The following ADAM22 variants were observed in gnomAD, a reference collection of about 807,000 sequenced individuals.
ADAM22 encodes the protein ADAM metallopeptidase domain 22.
Under a neutral mutation model 144.6 loss-of-function variants are expected in ADAM22, and 65 were observed. The observed-to-expected ratio is 0.45, with a 90% CI of 0.37 to 0.55. ADAM22 has a LOEUF of 0.55. ADAM22 is among the 20% of genes least tolerant of loss of function. The pLI, the probability that ADAM22 is intolerant of heterozygous loss-of-function variation, is 0.00. For missense variants in ADAM22, 974 were observed against 1,184.9 expected (o/e 0.82, Z 2.61); for synonymous variants, 391 against 412.6 (o/e 0.95, Z 0.63).
chr7:88,020,388 G>A (rs1259096601), intron 3 of ADAM22, among the ~76,000 whole-genome samples: 1 of 152,180 alleles, frequency 6.6e-6, no homozygotes, highest in African/African-American at 2.4e-5. Flanking sequence ...TGAGAAGGGA[G>A]GGCTGGTGCC....
intron 5 of ADAM22, among the ~76,000 whole-genome samples, chr7:88,109,340 C>T (rs908892578): frequency 3.3e-5 from 5 of 152,120 alleles, no homozygotes; most frequent in East Asian, 1.9e-4. Context: ...TCCATCCTGT[C>T]GATAATGATA....
At chr7:88,018,031 G>A (rs1026669116) in intron 3 of ADAM22, among the ~76,000 whole-genome samples, 1 of 151,994 alleles carries the variant, frequency 6.6e-6, no homozygotes, top group Non-Finnish European at 1.5e-5. Context: ...TTGTTCTTAG[G>A]TCCTCTCTTG....
chr7:87,979,127 C>A (rs1317875904), intron 3 of ADAM22, among the ~76,000 whole-genome samples: 2 of 152,070 alleles, frequency 1.3e-5, no homozygotes, highest in Non-Finnish European at 2.9e-5. Flanking sequence ...CTGAGCTGGG[C>A]AGAATTGGGC....
At chr7:87,956,936 A>C (rs889020424) in intron 2 of ADAM22, among the ~76,000 whole-genome samples, 3 of 152,148 alleles carry the variant, frequency 2.0e-5, no homozygotes, top group East Asian at 1.9e-4. Flanking sequence ...GTATCGTAAA[A>C]ATTACTTATT....
intron 5 of ADAM22, among the ~76,000 whole-genome samples, chr7:88,110,713 G>A (rs115220257): frequency 9.0e-4 from 123 of 136,502 alleles, no homozygotes; most frequent in Middle Eastern, 3.7e-3. Context: ...TCATTCATTC[G>A]TTCATTTGTT....
chr7:88,074,684 T>C (rs1329218608), intron 3 of ADAM22, among the ~76,000 whole-genome samples: 1 of 152,218 alleles, frequency 6.6e-6, no homozygotes, highest in Non-Finnish European at 1.5e-5. Flanking sequence ...GTTTTCTAAA[T>C]AGTAATATAA....
chr7:88,151,519 G>A (rs146661454), intron 20 of ADAM22, among the ~76,000 whole-genome samples, 199 bp downstream of exon 20: 14 of 152,316 alleles, frequency 9.2e-5, no homozygotes, highest in African/African-American at 3.4e-4. Flanking sequence ...ATCTTGGCTA[G>A]TTGGCAGTGC....
At chr7:88,116,700 A>C in intron 6 of ADAM22, 45 bp from the exon 7 acceptor site, 1 of 1,501,190 alleles carries the variant, frequency 6.7e-7, no homozygotes, top group South Asian at 1.1e-5. Flanking sequence ...GGCTGGAGAT[A>C]ATCCTGTTGT....
At chr7:87,968,209 TAAG>T (rs1247528693) in intron 2 of ADAM22, among the ~76,000 whole-genome samples, 1 of 152,196 alleles carries the variant, frequency 6.6e-6, no homozygotes, top group African/African-American at 2.4e-5. Context: ...GCTTTCAAGA[TAAG>T]GAGGGCATTT....
chr7:88,101,646 T>G (rs1822964359), intron 4 of ADAM22, among the ~76,000 whole-genome samples: 1 of 152,154 alleles, frequency 6.6e-6, no homozygotes, highest in South Asian at 2.1e-4. Flanking sequence ...TATCTCACCT[T>G]TTACCTTCCA....
intron 3 of ADAM22, among the ~76,000 whole-genome samples, chr7:88,060,781 A>AC (rs1438722171): frequency 3.1e-4 from 46 of 149,558 alleles, no homozygotes; most frequent in African/African-American, 1.1e-3. Flanking sequence ...AAAAAAAAAA[A>AC]CAAAAAACAC....
chr7:88,142,611 G>T (rs1304785085), intron 14 of ADAM22, among the ~76,000 whole-genome samples: 1 of 152,098 alleles, frequency 6.6e-6, no homozygotes, highest in Admixed American at 6.5e-5. Context: ...GGCCGAGGCG[G>T]GCGGATCACA....
chr7:87,949,064 T>C (rs1281361230), intron 2 of ADAM22, among the ~76,000 whole-genome samples: 1 of 152,230 alleles, frequency 6.6e-6, no homozygotes, highest in Non-Finnish European at 1.5e-5. Flanking sequence ...AATGCTTTCG[T>C]TGGGATGGCA....
At chr7:88,055,108 T>G (rs961535767) in intron 3 of ADAM22, among the ~76,000 whole-genome samples, 8 of 151,360 alleles carry the variant, frequency 5.3e-5, no homozygotes, top group Non-Finnish European at 1.0e-4. Context: ...AAATATCAGA[T>G]ATATATATAT....
At chr7:88,051,740 C>CA (rs945754428) in intron 3 of ADAM22, among the ~76,000 whole-genome samples, 1 of 151,662 alleles carries the variant, frequency 6.6e-6, no homozygotes, top group African/African-American at 2.4e-5. Flanking sequence ...TTCAGTAGTC[C>CA]ATTTTTTGCT....
chr7:88,002,430 A>G (rs1311562710), intron 3 of ADAM22, among the ~76,000 whole-genome samples: 2 of 152,118 alleles, frequency 1.3e-5, no homozygotes, highest in African/African-American at 2.4e-5. Context: ...TGTGGAATCC[A>G]TCCCTCCCAA....
rs4728721 is a variant in ADAM22, at chr7:87,994,250, C to T, written c.323+15838C>T. Reference sequence around the variant, plus strand: ...GATCTCAGCTCACTGCAAGCTCCGCCTCCTGGTTCACGCCATTCTCCTGCC... The same window carrying T: ...GATCTCAGCTCACTGCAAGCTCCGCTTCCTGGTTCACGCCATTCTCCTGCC... On this transcript the variant is annotated intron_variant, in intron 3 of 31. Coordinates refer to ENST00000413139, the MANE Select transcript of ADAM22 (RefSeq NM_001324418.2). Among the ~76,000 whole-genome samples, 870 of 152,058 alleles carry T rather than the reference C, an allele frequency of 5.7e-3. 12 individuals are homozygous for T. The highest frequency in any genetic ancestry group is 0.044 in the East Asian group (226 of 5,150).
chr7:87,934,982 C>T (rs776967819), intron 1 of ADAM22, 44 bp from the exon 2 acceptor site: 1 of 1,612,708 alleles, frequency 6.2e-7, no homozygotes, highest in African/African-American at 1.3e-5. Context: ...TCATTATTTT[C>T]GCCTTTTCTC....
At chr7:88,082,555 A>G (rs184479958) in intron 4 of ADAM22, among the ~76,000 whole-genome samples, 1 of 152,346 alleles carries the variant, frequency 6.6e-6, no homozygotes, top group African/African-American at 2.4e-5. Context: ...CAGGCAACCT[A>G]CAAAATGGGA....
Sources: gnomAD v4.1 joint callset for allele counts (sites outside exome capture counted in the v4.1 genomes callset) on GRCh38, gnomAD v4.1.1 for gene constraint, MANE v1.5 for transcripts, NCBI Gene and HGNC (gene_info 2026-07-23, HGNC 2026-07-21) for gene names.